The following PRKG1 variants were observed in gnomAD, a reference collection of about 807,000 sequenced individuals.
PRKG1 encodes cGMP-dependent protein kinase 1.
In PRKG1, 35 loss-of-function variants were observed where a neutral mutation model predicts 88.1. The observed-to-expected ratio is 0.40, with a 90% confidence interval of 0.30 to 0.53. The LOEUF (loss-of-function observed/expected upper bound fraction) is 0.53. PRKG1 is among the 20% of genes least tolerant of loss of function. The probability of loss-of-function intolerance (pLI) is 0.59; values close to 1 mark genes in which losing one functional copy is unlikely to be tolerated. For synonymous variants in PRKG1, 303 were observed against 292.5 expected (o/e 1.04, Z -0.37); for missense variants, 540 against 839.8 (o/e 0.64, Z 4.41).
intron 1 of PRKG1, among the ~76,000 whole-genome samples, chr10:51,030,705 T>A (rs1396868059): frequency 6.6e-6 from 1 of 152,056 alleles, no homozygotes; most frequent in African/African-American, 2.4e-5. Flanking sequence ...TCTTGCTCTA[T>A]TAGGTCATGC....
intron 1 of PRKG1, among the ~76,000 whole-genome samples, chr10:50,999,048 A>G: frequency 6.6e-6 from 1 of 152,216 alleles, no homozygotes; most frequent in Non-Finnish European, 1.5e-5. Flanking sequence ...ACATATGAAT[A>G]TGATAGAAAC....
chr10:51,443,494 TG>T (rs1451482118), intron 2 of PRKG1, among the ~76,000 whole-genome samples: 2 of 152,046 alleles, frequency 1.3e-5, no homozygotes, highest in African/African-American at 2.4e-5. Context: ...TTTTTTCTAT[TG>T]TTTTTTTCTT....
At chr10:51,695,692 GGGA>G (rs1295118304) in intron 3 of PRKG1, 1 of 152,104 alleles carries the variant, frequency 6.6e-6, no homozygotes, top group African/African-American at 2.4e-5. Flanking sequence ...TCCAATATAG[GGGA>G]GGCATATAGG....
rs1842365189 is a variant in PRKG1, at chr10:52,295,634, C to T, written c.*1734C>T. 6.6e-6 allele frequency: 1 copy of T among 151,690 alleles called. No homozygotes were observed. The highest frequency in any genetic ancestry group is 6.6e-5 in the Admixed American group (1 of 15,200). The allele number at this position is 151,690 out of a possible 1,614,324, so 9.4% of individuals were successfully genotyped here. On this transcript the variant is annotated 3_prime_UTR_variant, in exon 18 of 18. Transcript: ENST00000373980. ...GTGAATTTGGTATATTAAATTGACG[C>T]TTGCTTTTTTTTTCAGTAGAGTTTT... is the stretch of plus-strand genomic sequence containing the variant.
intron 1 of PRKG1, among the ~76,000 whole-genome samples, chr10:51,004,039 T>C (rs546353663): frequency 6.6e-6 from 1 of 152,330 alleles, no homozygotes; most frequent in South Asian, 2.1e-4. Context: ...TTTATGTATT[T>C]ATTTATAGGA....
chr10:51,234,943 T>G (rs1297544039), intron 2 of PRKG1, among the ~76,000 whole-genome samples: 2 of 152,206 alleles, frequency 1.3e-5, no homozygotes, highest in Non-Finnish European at 2.9e-5. Flanking sequence ...TACCTAAGAG[T>G]ATATACTATC....
chr10:51,459,747 TAAC>T (rs1474234096), intron 2 of PRKG1, among the ~76,000 whole-genome samples: 1 of 152,188 alleles, frequency 6.6e-6, no homozygotes. Flanking sequence ...GATGTTATTC[TAAC>T]ATCAGTAGAG....
chr10:51,577,183 A>G (rs554235227), intron 3 of PRKG1, among the ~76,000 whole-genome samples: 15 of 152,112 alleles, frequency 9.9e-5, no homozygotes, highest in Non-Finnish European at 1.8e-4. Flanking sequence ...AAATGGTTTC[A>G]TATTTTTGGT....
intron 2 of PRKG1, among the ~76,000 whole-genome samples, chr10:51,460,925 A>T: frequency 6.6e-6 from 1 of 152,124 alleles, no homozygotes; most frequent in East Asian, 1.9e-4. Context: ...TTCTTTGTGA[A>T]TATGTATGTA....
intron 2 of PRKG1, among the ~76,000 whole-genome samples, chr10:51,281,634 A>G (rs1000810959): frequency 1.3e-5 from 2 of 152,208 alleles, no homozygotes; most frequent in African/African-American, 4.8e-5. Context: ...GGGGCGGGGC[A>G]TAGCCAAACA....
chr10:52,065,417 A>T (rs1589573066), intron 7 of PRKG1, among the ~76,000 whole-genome samples: 1 of 152,206 alleles, frequency 6.6e-6, no homozygotes, highest in South Asian at 2.1e-4. Context: ...TTCATTTAAA[A>T]AATTACATTA....
At chr10:51,801,231 C>CCAGAGACAATATGTAA (rs1839166280) in intron 3 of PRKG1, among the ~76,000 whole-genome samples, 1 of 152,066 alleles carries the variant, frequency 6.6e-6, no homozygotes, top group African/African-American at 2.4e-5. Flanking sequence ...CTCAGTTCAG[C>CCAGAGACAATATGTAA]CAGAGACAAT....
intron 2 of PRKG1, among the ~76,000 whole-genome samples, chr10:51,429,914 C>T (rs1838708945): frequency 6.6e-6 from 1 of 151,136 alleles, no homozygotes; most frequent in Admixed American, 6.6e-5. Context: ...AACAGCAGTC[C>T]CAGAAAGGAA....
chr10:51,020,049 G>A (rs1033946026), intron 1 of PRKG1, among the ~76,000 whole-genome samples: 2 of 152,168 alleles, frequency 1.3e-5, no homozygotes, highest in Admixed American at 1.3e-4. Context: ...TGTTGTTGCT[G>A]GGAATGTAAA....
chr10:51,074,333 C>T (rs1843888777), upstream of PRKG1: 5 of 750,942 alleles, frequency 6.7e-6, no homozygotes, highest in Middle Eastern at 8.8e-4. Context: ...GGTTTAATCC[C>T]GGGTTGGACC....
At chr10:52,129,389 G>A (rs1367623496) in intron 7 of PRKG1, among the ~76,000 whole-genome samples, 1 of 152,138 alleles carries the variant, frequency 6.6e-6, no homozygotes. Context: ...TTCTATCATT[G>A]ACATTCTCTC....
intron 5 of PRKG1, among the ~76,000 whole-genome samples, chr10:51,979,611 CTT>C (rs71032612): frequency 0.024 from 1,737 of 72,254 alleles, 41 homozygotes; most frequent in African/African-American, 0.082. Flanking sequence ...TGGTCCTGGG[CTT>C]TTTTTTTTTT....
At chr10:52,218,607 T>C (rs1191250516) in intron 9 of PRKG1, among the ~76,000 whole-genome samples, 1 of 152,172 alleles carries the variant, frequency 6.6e-6, no homozygotes, top group Non-Finnish European at 1.5e-5. Context: ...AAGTCTTAAC[T>C]TCTAAACAAT....
At chr10:51,785,084 T>C (rs1838693761) in intron 3 of PRKG1, among the ~76,000 whole-genome samples, 2 of 151,822 alleles carry the variant, frequency 1.3e-5, no homozygotes, top group Non-Finnish European at 2.9e-5. Context: ...TTTGGGAACA[T>C]AACAAGTCCT....
Sources: gnomAD v4.1 joint callset for allele counts (sites outside exome capture counted in the v4.1 genomes callset) on GRCh38, gnomAD v4.1.1 for gene constraint, MANE v1.5 for transcripts, NCBI Gene and HGNC (gene_info 2026-07-23, HGNC 2026-07-21) for gene names.